The following RTTN variants were observed in gnomAD, a reference collection of about 807,000 sequenced individuals.
The protein encoded by RTTN is rotatin.
RTTN carries 182 observed loss-of-function variants against 269.2 expected under a neutral mutation model. The observed-to-expected ratio is 0.68, with a 90% CI of 0.60 to 0.76. The LOEUF is 0.76. Among genes scored for constraint, RTTN ranks in the 30% least tolerant of loss-of-function variants. The pLI is 0.00. For synonymous variants in RTTN, 1,006 were observed against 963.5 expected (o/e 1.04, Z -0.82); for missense variants, 2,545 against 2,608.6 (o/e 0.98, Z 0.53).
intron 28 of RTTN, among the ~76,000 whole-genome samples, chr18:70,105,327 G>C (rs1433693317): frequency 1.3e-5 from 2 of 152,206 alleles, no homozygotes; most frequent in Non-Finnish European, 2.9e-5. Context: ...CTAGTGTATT[G>C]TTTGCTAAGA....
At chr18:70,030,454 G>A (rs2056979884) in intron 41 of RTTN, among the ~76,000 whole-genome samples, 1 of 152,160 alleles carries the variant, frequency 6.6e-6, no homozygotes, top group South Asian at 2.1e-4. Context: ...ATTCCCAAAT[G>A]AGAAATTACA....
chr18:70,025,885 G>A (rs913456159), intron 43 of RTTN, among the ~76,000 whole-genome samples: 17 of 152,058 alleles, frequency 1.1e-4, no homozygotes, highest in Admixed American at 5.2e-4. Context: ...AGCTCTTCCT[G>A]CCTCCTCAGG....
chr18:70,028,901 G>A, intron 42 of RTTN, 100 bp from the exon 43 acceptor site: 1 of 729,216 alleles, frequency 1.4e-6, no homozygotes, highest in Non-Finnish European at 2.3e-6. Context: ...GACAATGCAG[G>A]TGTGCTCTAA....
chr18:70,159,143 C>A (rs889385054), intron 14 of RTTN, among the ~76,000 whole-genome samples: 8 of 152,148 alleles, frequency 5.3e-5, no homozygotes, highest in African/African-American at 1.9e-4. Flanking sequence ...ACATTCTTCT[C>A]ATCTGCACAC....
At chr18:70,190,323 T>C (rs543771424) in intron 9 of RTTN, among the ~76,000 whole-genome samples, 6 of 151,156 alleles carry the variant, frequency 4.0e-5, no homozygotes, top group Admixed American at 3.9e-4. Flanking sequence ...TAAAAACTCA[T>C]AAAATGGAAG....
chr18:70,191,147 T>G (rs980754516), intron 8 of RTTN, among the ~76,000 whole-genome samples: 1 of 150,434 alleles, frequency 6.6e-6, no homozygotes, highest in Non-Finnish European at 1.5e-5. Context: ...TGAGCTGAGA[T>G]AGCGACACTG....
intron 23 of RTTN, among the ~76,000 whole-genome samples, chr18:70,133,589 G>A (rs1276858606): frequency 7.4e-6 from 1 of 135,084 alleles, no homozygotes; most frequent in Non-Finnish European, 1.6e-5. Flanking sequence ...GCAGCAACAT[G>A]GACAAATCTC....
chr18:70,091,194 AGG>A lies in RTTN; in HGVS notation c.4143+914_4143+915del, dbSNP rs556659715. On this transcript the variant is annotated intron_variant, in intron 30 of 48. Coordinates refer to ENST00000640769, the MANE Select transcript of RTTN (RefSeq NM_173630.4). The stretch of plus-strand genomic sequence containing the variant: ...ATTTGGGAATAAGTTAAGACTTTTG[AGG>A]TTGTTGAGGGAGAATAAAAGCATTT... 2.0e-5 allele frequency among the ~76,000 whole-genome samples: 3 copies of A among 152,226 alleles called. No individual in the cohort carries two copies. In the East Asian group the frequency reaches 5.8e-4, roughly 29 times the overall value.
chr18:70,187,938 C>G (rs2061583957), intron 10 of RTTN, among the ~76,000 whole-genome samples, 170 bp downstream of exon 10: 1 of 152,106 alleles, frequency 6.6e-6, no homozygotes, highest in Non-Finnish European at 1.5e-5. Flanking sequence ...GTAACCAGAA[C>G]CTTTGGAAAA....
At chr18:70,024,641 A>G in intron 44 of RTTN, 81 bp downstream of exon 44, 1 of 1,258,358 alleles carries the variant, frequency 7.9e-7, no homozygotes, top group Non-Finnish European at 1.1e-6. Context: ...AATATGTATT[A>G]GTTTTTCCAG....
chr18:70,060,121 G>C (rs548187494), intron 35 of RTTN, 79 bp from the exon 36 acceptor site: 2 of 1,193,714 alleles, frequency 1.7e-6, no homozygotes, highest in South Asian at 3.7e-5. Context: ...ATAATCATAG[G>C]AAAGTTCCTG....
chr18:70,098,412 C>T (rs1422920074), intron 28 of RTTN, among the ~76,000 whole-genome samples: 2 of 152,128 alleles, frequency 1.3e-5, no homozygotes, highest in Non-Finnish European at 1.5e-5. Context: ...GTCACTAGAT[C>T]CAGGAGTTGT....
At chr18:70,071,118 A>G (rs931859854) in intron 34 of RTTN, among the ~76,000 whole-genome samples, 2 of 152,206 alleles carry the variant, frequency 1.3e-5, no homozygotes, top group African/African-American at 4.8e-5. Context: ...ATGGTCTACC[A>G]GTTACCATGC....
At chr18:70,024,943 C>T in intron 43 of RTTN, 95 bp from the exon 44 acceptor site, 11 of 1,368,716 alleles carry the variant, frequency 8.0e-6, no homozygotes, top group Non-Finnish European at 1.1e-5. Context: ...AACATAAGAC[C>T]CAAGGAGAAC....
chr18:70,180,597 A>AT (rs2146014407), intron 10 of RTTN, among the ~76,000 whole-genome samples: 1 of 151,176 alleles, frequency 6.6e-6, no homozygotes, highest in Non-Finnish European at 1.5e-5. Context: ...AAGAGAAAAA[A>AT]AAAAAAAAAA....
chr18:70,041,429 T>TGA (rs1241014376), intron 40 of RTTN, among the ~76,000 whole-genome samples: 1 of 151,568 alleles, frequency 6.6e-6, no homozygotes, highest in Non-Finnish European at 1.5e-5. Context: ...AGCAGATGGA[T>TGA]GAGAGGCAAG....
At chr18:70,159,510 T>G (rs1180419647) in intron 14 of RTTN, among the ~76,000 whole-genome samples, 2 of 152,058 alleles carry the variant, frequency 1.3e-5, no homozygotes, top group Non-Finnish European at 2.9e-5. Flanking sequence ...ACTAACAACC[T>G]GACACCACAC....
At position 70,199,114 on chromosome 18, in the gene RTTN, G is replaced by T. The variant is rs142553861; in HGVS notation, c.578+300C>A. The stretch of plus-strand genomic sequence containing the variant: ...TGGCACAAGAATCGCTTGAACCCAG[G>T]AGGCGGAGGTTGCATTGAGCCAGAT... On this transcript the variant is annotated intron_variant, in intron 5 of 48. Transcript: ENST00000640769. Among the ~76,000 whole-genome samples, 435 of 152,214 alleles carry T rather than the reference G, an allele frequency of 2.9e-3. 2 individuals carry two copies. Among genetic ancestry groups the T allele is most frequent in the Non-Finnish European group, 1.9e-3 (131 of 68,012 alleles).
intron 29 of RTTN, among the ~76,000 whole-genome samples, 174 bp downstream of exon 29, chr18:70,092,502 T>G (rs1182827752): frequency 6.6e-6 from 1 of 152,364 alleles, no homozygotes; most frequent in East Asian, 1.9e-4. Context: ...GATTCAGATT[T>G]GTTAATATAC....
Sources: allele counts gnomAD v4.1 joint callset (sites outside exome capture counted in the v4.1 genomes callset), GRCh38; gene constraint gnomAD v4.1.1; transcripts MANE v1.5; gene names NCBI Gene and HGNC (gene_info 2026-07-23, HGNC 2026-07-21).